KIAA1549: variants seen among roughly 807,000 people sequenced by gnomAD.
KIAA1549 encodes UPF0606 protein KIAA1549.
In KIAA1549, 70 loss-of-function variants were observed where a neutral mutation model predicts 156.4. The observed-to-expected ratio is 0.45, with a 90% CI of 0.37 to 0.55. The LOEUF (loss-of-function observed/expected upper bound fraction) is 0.55. KIAA1549 is among the 20% of genes least tolerant of loss of function. The pLI is 0.00. For missense variants in KIAA1549, 2,428 were observed against 2,540.9 expected (o/e 0.96, Z 0.96); for synonymous variants, 1,103 against 1,066.4 (o/e 1.03, Z -0.67).
At chr7:138,901,704 T>C (rs1584741834) in intron 8 of KIAA1549, among the ~76,000 whole-genome samples, 1 of 152,204 alleles carries the variant, frequency 6.6e-6, no homozygotes, top group Non-Finnish European at 1.5e-5. Flanking sequence ...AGATTTACTA[T>C]AATTTTATTT....
chr7:138,838,182 A>C, intron 19 of KIAA1549, 22 bp from the exon 20 acceptor site: 2 of 1,449,502 alleles, frequency 1.4e-6, no homozygotes, highest in Non-Finnish European at 1.8e-6. Context: ...GGCAAACGTC[A>C]CTGTACTTCC....
chr7:138,980,186 T>C (rs1196125320), intron 1 of KIAA1549, among the ~76,000 whole-genome samples: 1 of 152,198 alleles, frequency 6.6e-6, no homozygotes, highest in Non-Finnish European at 1.5e-5. Flanking sequence ...CCACCTTTCC[T>C]TTTCCGCCTC....
intron 1 of KIAA1549, among the ~76,000 whole-genome samples, chr7:138,948,344 G>C (rs1460493809): frequency 1.3e-5 from 2 of 152,092 alleles, no homozygotes; most frequent in East Asian, 1.9e-4. Context: ...ATGTGGCTGG[G>C]GTGAAGCGGC....
chr7:138,879,504 A>G (rs1811180434), intron 12 of KIAA1549, 34 bp downstream of exon 12: 1 of 1,330,816 alleles, frequency 7.5e-7, no homozygotes, highest in South Asian at 1.3e-5. Context: ...CATAGGGACT[A>G]CTTTTAATGG....
chr7:138,905,046 G>A lies in KIAA1549; in HGVS notation c.3496C>T (p.Leu1166=), dbSNP rs1042631877. ...QYPQLNLSQL[L]KSSWVRTVLL... The stretch of plus-strand genomic sequence containing the variant: ...CCTGTTCTGACCCAAGAGGACTTCA[G>A]CAACTGAGATAAGTTGAGCTGTGGA... The change falls in exon 7 of 20, where the codon CTG becomes TTG. Residue 1166 remains leucine (L), a synonymous_variant. Transcript: ENST00000422774. 4 of 1,577,410 alleles carry A rather than the reference G, an allele frequency of 2.5e-6. No homozygotes were observed. The African/African-American group carries it at 5.4e-5, about 21-fold the overall frequency.
At chr7:138,976,352 C>G (rs1376406033) in intron 1 of KIAA1549, among the ~76,000 whole-genome samples, 2 of 152,142 alleles carry the variant, frequency 1.3e-5, no homozygotes, top group East Asian at 3.8e-4. Context: ...TGAGTCACCG[C>G]GCCCGGCCTC....
chr7:138,878,741 G>A (rs540858887), intron 12 of KIAA1549, among the ~76,000 whole-genome samples: 1 of 143,044 alleles, frequency 7.0e-6, no homozygotes, highest in East Asian at 1.9e-4. Context: ...CAGCCTCAGT[G>A]ATAGAGCAAG....
Position 138,899,082 on chromosome 7 carries a change from G to C in KIAA1549, c.3720C>G (p.Ile1240Met), listed in dbSNP as rs1484624131. 7 of 1,613,714 alleles carry C rather than the reference G, an allele frequency of 4.3e-6. No individual in the cohort carries two copies. Among genetic ancestry groups the C allele is most frequent in the Non-Finnish European group, 5.9e-6 (7 of 1,179,774 alleles). Reference sequence around the variant, plus strand: ...CTCCATCTTGATCCTCCACAAAGTAGATGAGCTGTACCGGATTGTCATCTC... The same window carrying C: ...CTCCATCTTGATCCTCCACAAAGTACATGAGCTGTACCGGATTGTCATCTC... ...LEGDDNPVQL[I>M]YFVEDQDGER... Residue 1240 changes from isoleucine to methionine, a missense_variant, in exon 9 of 20, where the codon ATC (isoleucine) becomes ATG (methionine). Physicochemically the swap from Ile to Met is conservative, Grantham distance 10. Transcript: ENST00000422774.
chr7:138,919,583 A>T (rs964898899), intron 1 of KIAA1549, 145 bp from the exon 2 acceptor site: 6 of 1,354,750 alleles, frequency 4.4e-6, no homozygotes, highest in Admixed American at 5.3e-5. Context: ...TTAAACAGCT[A>T]GCTGGAAACG....
intron 6 of KIAA1549, among the ~76,000 whole-genome samples, chr7:138,906,414 T>C (rs984654409): frequency 1.1e-4 from 16 of 152,202 alleles, no homozygotes; most frequent in Non-Finnish European, 2.2e-4. Flanking sequence ...TGGGGGATGC[T>C]GATAATGGAG....
In KIAA1549 at chr7:138,943,578, A is replaced by G. The variant is rs146034585; in HGVS notation, c.188-24140T>C. ...ACAAATGCATTACCTCGCCAGGCGC[A>G]GTGGCTCACGCCTGTAATCCCAGCA... On this transcript the variant is annotated intron_variant, in intron 1 of 19. Transcript: ENST00000422774. Among the ~76,000 whole-genome samples the G allele has an allele frequency of 3.8e-3, 576 of 152,326 alleles. 9 individuals are homozygous for G. Among genetic ancestry groups the G allele is most frequent in the African/African-American group, 0.013 (547 of 41,576 alleles).
rs1810017399 is a variant in KIAA1549 at position 138,844,496 on chromosome 7, A to G, written c.5295-22T>C. 7.9e-6 allele frequency: 12 copies of G among 1,514,896 alleles called. No individual in the cohort carries two copies. In the East Asian group the frequency reaches 2.8e-4, roughly 35 times the overall value. The allele number at this position is 1,514,896 out of a possible 1,614,324, so 93.8% of individuals were successfully genotyped here. Reference sequence around the variant, plus strand: ...TGGTCTGAAGGCAAAGCAAACCAGCACATCAGGACTCCACTGCACCCTGGC... The same window carrying G: ...TGGTCTGAAGGCAAAGCAAACCAGCGCATCAGGACTCCACTGCACCCTGGC... On this transcript the variant is annotated intron_variant, in intron 17 of 19. Transcript: ENST00000422774.
chr7:138,838,425 C>A (rs1563043323), intron 19 of KIAA1549, among the ~76,000 whole-genome samples: 1 of 152,116 alleles, frequency 6.6e-6, no homozygotes, highest in Non-Finnish European at 1.5e-5. Flanking sequence ...CGGATCCATG[C>A]CAGGCTGACA....
At chr7:138,931,272 G>A (rs59571719) in intron 1 of KIAA1549, among the ~76,000 whole-genome samples, 37,132 of 152,122 alleles carry the variant, frequency 0.24, 5,840 homozygotes, top group African/African-American at 0.45. Flanking sequence ...ACAAAGTGTC[G>A]ACAGACTTAC....
intron 1 of KIAA1549, among the ~76,000 whole-genome samples, chr7:138,977,942 C>G (rs891030353): frequency 6.6e-6 from 1 of 152,152 alleles, no homozygotes; most frequent in Admixed American, 6.5e-5. Flanking sequence ...TCAGGTGATC[C>G]GCCCACCTCG....
rs371018266 is a variant in KIAA1549 at position 138,918,158 on chromosome 7, T to C, written c.1468A>G (p.Ile490Val). The change falls in exon 2 of 20, where the codon ATC becomes GTC. Residue 490 changes from isoleucine to valine, a missense_variant. Around this residue, in one of 5 missense-constraint regions of KIAA1549, gnomAD observed 893 missense variants for 847.9 expected, o/e 1.05. Coordinates refer to ENST00000422774, the MANE Select transcript of KIAA1549 (RefSeq NM_001164665.2). The surrounding 1 kb of genome is among the most constrained non-coding windows in gnomAD (Gnocchi z 4.2). The stretch of plus-strand genomic sequence containing the variant: ...ATGGATCTAGAAGAAAGTGGGACGA[T>C]AGGTCTGGAGGGGAAAAGCGTATTA... ...VFNTLFPSRP[I>V]VPLSSRSMEI... 26 of 1,613,798 alleles carry C rather than the reference T, an allele frequency of 1.6e-5. No individual in the cohort carries two copies. In the Middle Eastern group the frequency reaches 6.6e-4, roughly 41 times the overall value.
intron 1 of KIAA1549, among the ~76,000 whole-genome samples, chr7:138,934,585 T>C (rs1449048548): frequency 1.3e-5 from 2 of 152,086 alleles, no homozygotes; most frequent in African/African-American, 4.8e-5. Context: ...GTGCCGGAGA[T>C]GAGAGCTTGC....
At chr7:138,872,680 G>A (rs1810974597) in intron 12 of KIAA1549, among the ~76,000 whole-genome samples, 1 of 152,206 alleles carries the variant, frequency 6.6e-6, no homozygotes, top group Non-Finnish European at 1.5e-5. Flanking sequence ...TGAGGCAAGA[G>A]GATTGCTTGA....
chr7:138,969,854 A>G (rs1402079063), intron 1 of KIAA1549, among the ~76,000 whole-genome samples: 2 of 152,202 alleles, frequency 1.3e-5, no homozygotes, highest in Admixed American at 1.3e-4. Context: ...CAGCCTCCCA[A>G]AGGGCCGGCC....
Sources: gnomAD v4.1 joint callset for allele counts (sites outside exome capture counted in the v4.1 genomes callset) on GRCh38, gnomAD v4.1.1 for gene constraint, gnomAD v4.1.1 regional missense constraint, Gnocchi (gnomAD v3.1) non-coding constraint, MANE v1.5 for transcripts, NCBI Gene and HGNC (gene_info 2026-07-23, HGNC 2026-07-21) for gene names.